The following ZNF738 variants were observed in gnomAD, a reference collection of about 807,000 sequenced individuals.
The protein encoded by ZNF738 is protein ZNF738.
Under a neutral mutation model 9.2 loss-of-function variants are expected in ZNF738, and 10 were observed. That is an observed-to-expected ratio of 1.09 (90% CI 0.67 to 1.85). The LOEUF is 1.85. Ranked by LOEUF, ZNF738 falls within the 40% of genes most tolerant of loss-of-function variation. ZNF738 has a pLI of 0.00. For missense variants in ZNF738, 346 were observed against 283.6 expected (o/e 1.22, Z -1.58); for synonymous variants, 113 against 94.5 (o/e 1.20, Z -1.14).
At chr19:21,381,251 G>T in intron 4 of ZNF738, 1 of 1,587,968 alleles carries the variant, frequency 6.3e-7, no homozygotes, top group Non-Finnish European at 8.6e-7. Context: ...ACAGCCACAC[G>T]TCCCTTTGAT....
At chr19:21,381,571 G>A in intron 4 of ZNF738, 1 of 626,006 alleles carries the variant, frequency 1.6e-6, no homozygotes, top group Non-Finnish European at 2.9e-6. Flanking sequence ...TCAGCTCACT[G>A]CAAGCTCCGT....
At chr19:21,359,495 G>A (rs2145213155) in intron 1 of ZNF738, among the ~76,000 whole-genome samples, 1 of 152,326 alleles carries the variant, frequency 6.6e-6, no homozygotes, top group African/African-American at 2.4e-5. Flanking sequence ...TGAATGGGAA[G>A]AGGTTTGTTC....
At chr19:21,364,994 A>G (rs1336187835) in intron 2 of ZNF738, among the ~76,000 whole-genome samples, 1 of 144,354 alleles carries the variant, frequency 6.9e-6, no homozygotes, top group African/African-American at 2.6e-5. Context: ...TCTTGACCTC[A>G]TGATCCACCC....
chr19:21,383,647 T>A lies in ZNF738; in HGVS notation c.1101T>A (p.Thr367=). ...SHLTRHKIIH[T]GEKPYKCE The stretch of plus-strand genomic sequence containing the variant: ...TTACCAGACATAAGATAATTCATAC[T>A]GGAGAGAAACCCTACAAATGTGAAT... Residue 367 remains threonine, a synonymous_variant, in exon 5 of 5, where the codon ACT becomes ACA. Coordinates refer to ENST00000683779, the MANE Select transcript of ZNF738 (RefSeq NM_001355237.2). The A allele has an allele frequency of 1.0e-6, 1 of 970,824 alleles. No individual in the cohort carries two copies. Among genetic ancestry groups the A allele is most frequent in the South Asian group, 1.3e-5 (1 of 78,822 alleles). The allele number at this position is 970,824 out of a possible 1,614,324, so 60.1% of individuals were successfully genotyped here.
intron 4 of ZNF738, chr19:21,378,956 T>C (rs1288589079): frequency 6.6e-6 from 1 of 152,394 alleles, no homozygotes; most frequent in Non-Finnish European, 1.5e-5. Flanking sequence ...CTTTTAAAAT[T>C]GTGCTTACAT....
chr19:21,374,426 A>T (rs972664023), intron 2 of ZNF738, among the ~76,000 whole-genome samples: 1 of 152,262 alleles, frequency 6.6e-6, no homozygotes, highest in Non-Finnish European at 1.5e-5. Context: ...CTCAGTAATG[A>T]TGCTGTGTTC....
chr19:21,366,327 C>G (rs1973779180), intron 2 of ZNF738, among the ~76,000 whole-genome samples: 1 of 152,194 alleles, frequency 6.6e-6, no homozygotes, highest in Non-Finnish European at 1.5e-5. Context: ...GTCAAGCATC[C>G]TTGCCTTGTT....
chr19:21,370,928 T>C (rs1302238996), intron 2 of ZNF738, among the ~76,000 whole-genome samples: 2 of 152,202 alleles, frequency 1.3e-5, no homozygotes, highest in African/African-American at 4.8e-5. Flanking sequence ...TATTGTGAGA[T>C]GTCAGTGTAG....
intron 2 of ZNF738, among the ~76,000 whole-genome samples, chr19:21,367,885 A>G (rs1332170481): frequency 6.6e-6 from 1 of 152,166 alleles, no homozygotes; most frequent in Non-Finnish European, 1.5e-5. Context: ...AAAGACGCAA[A>G]AGTGTCTACA....
chr19:21,368,664 C>T (rs1328325872), intron 2 of ZNF738, among the ~76,000 whole-genome samples: 2 of 151,744 alleles, frequency 1.3e-5, no homozygotes, highest in Non-Finnish European at 2.9e-5. Flanking sequence ...CACCATGTTG[C>T]TCAGGATGGT....
chr19:21,378,126 A>G (rs1053318242), intron 4 of ZNF738: 2 of 395,024 alleles, frequency 5.1e-6, no homozygotes, highest in Admixed American at 4.4e-5. Context: ...CTCATTACAT[A>G]TGTTCTCAGA....
intron 4 of ZNF738, among the ~76,000 whole-genome samples, chr19:21,379,802 A>G (rs1156468687): frequency 2.0e-5 from 3 of 152,220 alleles, no homozygotes; most frequent in Non-Finnish European, 4.4e-5. Context: ...TATTATTGAT[A>G]CAAACTCATG....
intron 4 of ZNF738, chr19:21,378,040 T>C (rs1321110498): frequency 7.6e-6 from 3 of 397,282 alleles, no homozygotes; most frequent in Non-Finnish European, 1.3e-5. Flanking sequence ...CGTGGGGGAT[T>C]ACATAAAACC....
At chr19:21,363,994 C>T (rs906866822) in intron 2 of ZNF738, among the ~76,000 whole-genome samples, 7 of 149,190 alleles carry the variant, frequency 4.7e-5, no homozygotes, top group Non-Finnish European at 8.9e-5. Context: ...GTCAGGAGTT[C>T]GAGACCAGCC....
Position 21,367,430 on chromosome 19 carries a change from T to G in ZNF738, c.96+5572T>G, listed in dbSNP as rs1278163025. Among the ~76,000 whole-genome samples, 4 of 152,034 alleles carry G rather than the reference T, an allele frequency of 2.6e-5. No homozygotes were observed. In the East Asian group the frequency reaches 7.7e-4, roughly 29 times the overall value. ...TGACTGGCATCTGCAGTGAGGACAA[T>G]GTTGTGAGACTGAGCCCTGAATCAG... is the stretch of plus-strand genomic sequence containing the variant. On this transcript the variant is annotated intron_variant, in intron 2 of 4. Coordinates refer to ENST00000683779, the MANE Select transcript of ZNF738 (RefSeq NM_001355237.2).
At chr19:21,378,027 G>A (rs1973955333) in intron 4 of ZNF738, 1 of 397,138 alleles carries the variant, frequency 2.5e-6, no homozygotes, top group South Asian at 1.3e-4. Flanking sequence ...ATTCTTTGTG[G>A]TACGTGGGGG....
intron 2 of ZNF738, among the ~76,000 whole-genome samples, chr19:21,364,748 T>C (rs970276491): frequency 1.4e-4 from 19 of 137,208 alleles, no homozygotes; most frequent in African/African-American, 5.3e-4. Flanking sequence ...CTTTCTTTTT[T>C]TTTTTTTTTT....
At chr19:21,368,758 A>C (rs1240497901) in intron 2 of ZNF738, among the ~76,000 whole-genome samples, 2 of 151,720 alleles carry the variant, frequency 1.3e-5, no homozygotes, top group Non-Finnish European at 2.9e-5. Flanking sequence ...GCCCAGCCAG[A>C]CAAATTCTTA....
chr19:21,361,712 A>G (rs12981564), intron 1 of ZNF738, 54 bp from the exon 2 acceptor site: 421,256 of 770,816 alleles, frequency 0.55, 116,544 homozygotes, highest in Middle Eastern at 0.68. Context: ...TGCCATGGTT[A>G]TGTCAGCTAG....
Sources: gnomAD v4.1 joint callset for allele counts (sites outside exome capture counted in the v4.1 genomes callset) on GRCh38, gnomAD v4.1.1 for gene constraint, MANE v1.5 for transcripts, NCBI Gene and HGNC (gene_info 2026-07-23, HGNC 2026-07-21) for gene names.